The following OPLAH variants were observed in gnomAD, a reference collection of about 807,000 sequenced individuals.
OPLAH encodes the protein 5-oxoprolinase, ATP-hydrolysing.
In OPLAH, 103 loss-of-function variants were observed where a neutral mutation model predicts 122.8. The observed-to-expected ratio is 0.84, with a 90% CI of 0.71 to 0.99. The LOEUF is 0.99. Ranked by LOEUF, OPLAH falls within the 50% of genes least tolerant of loss-of-function variation. OPLAH has a pLI of 0.00. For synonymous variants in OPLAH, 875 were observed against 796.0 expected (o/e 1.10, Z -1.67); for missense variants, 1,902 against 1,836.5 (o/e 1.04, Z -0.65).
rs185320564 is a variant in OPLAH at position 144,055,406 on chromosome 8, C to A, written c.2249-217G>T. ...CCCCAGCCCTGCCTGGAGCCCCCAG[C>A]AAGAACCCAGTGCCACCCCTCGACC... On this transcript the variant is annotated intron_variant, in intron 16 of 26. Transcript: ENST00000618853. This position sits in a 1 kb window ranked among gnomAD's most constrained non-coding sequence, Gnocchi z 6.5. Among the ~76,000 whole-genome samples the A allele has an allele frequency of 4.9e-3, 748 of 152,100 alleles. 6 individuals are homozygous for A. Among genetic ancestry groups the A allele is most frequent in the South Asian group, 0.03 (145 of 4,816 alleles).
Position 144,051,437 on chromosome 8 carries a change from G to T in OPLAH, c.3756C>A (p.Gly1252=). 7.1e-7 allele frequency: 1 copy of T among 1,405,286 alleles called. No homozygotes were observed. Among genetic ancestry groups the T allele is most frequent in the Admixed American group, 2.3e-5 (1 of 43,242 alleles). The allele number at this position is 1,405,286 out of a possible 1,614,324, so 87.1% of individuals were successfully genotyped here. ...VFCLHTPGGG[G]YGDPEDPAPP... ...GGGCGGGGTCCTCCGGGTCCCCATA[G>T]CCACCGCCGCCGGGCGTGTGGAGAC... The change falls in exon 27 of 27, where the codon GGC becomes GGA. Residue 1252 remains glycine (G), a synonymous_variant. Transcript: ENST00000618853.
rs1166408462 is a variant in OPLAH, at chr8:144,052,475, C to T, written c.3277G>A (p.Ala1093Thr). Residue 1093 changes from alanine (A) to threonine (T), a missense_variant, in exon 23 of 27, where the codon GCC (alanine) becomes ACC (threonine). Transcript: ENST00000618853. ...TGGGAGGCGGCGCAGGCCCCAAAGG[C>T]CCCCAGGATGACATCCACCACGCGC... ...SQRVVDVILG[A>T]FGACAASQGC... 10 of 1,552,086 alleles carry T rather than the reference C, an allele frequency of 6.4e-6. No individual in the cohort carries two copies. Among genetic ancestry groups the T allele is most frequent in the Non-Finnish European group, 6.9e-6 (8 of 1,155,134 alleles).
At chr8:144,063,871 C>T (rs1010711427), upstream of OPLAH, 37 of 152,438 alleles carry the variant, frequency 2.4e-4, no homozygotes, top group African/African-American at 8.4e-4. This position sits in a 1 kb window ranked among gnomAD's most constrained non-coding sequence, Gnocchi z 4.2. Context: ...CGCAGCTCTT[C>T]GTTCTCCTGT....
chr8:144,054,649 G>A lies in OPLAH; in HGVS notation c.2598C>T (p.Ser866=), dbSNP rs782156510. The change falls in exon 19 of 27, where the codon TCC becomes TCT. Residue 866 remains serine (S), a synonymous_variant. Coordinates refer to ENST00000618853, the MANE Select transcript of OPLAH (RefSeq NM_017570.5). ...GCAGCATGGTGGAGTGGGGGGGCAT[G>A]GAGCCTGGTGTGATGCCCCCGATGT... ...HADIGGITPG[S]MPPHSTMLQQ... The A allele has an allele frequency of 6.2e-7, 1 of 1,611,980 alleles. No individual in the cohort carries two copies. Among genetic ancestry groups the A allele is most frequent in the East Asian group, 2.2e-5 (1 of 44,834 alleles).
chr8:144,055,935 TGGTGC>T lies in OPLAH; in HGVS notation c.2097-1_2100del. Reference sequence around the variant, plus strand: ...GCCTGGCAACCTGGCTCCACCAGGATGGTGCTGGGGAGCAGAGGGCACAGAGGGCT... The same window carrying T: ...GCCTGGCAACCTGGCTCCACCAGGATTGGGGAGCAGAGGGCACAGAGGGCT... On this transcript the variant is annotated splice_acceptor_variant and coding_sequence_variant, in exon 16 of 27. Transcript: ENST00000618853. LOFTEE classifies it high-confidence loss of function. This position sits in a 1 kb window ranked among gnomAD's most constrained non-coding sequence, Gnocchi z 6.5. 2.5e-6 allele frequency: 4 copies of T among 1,582,986 alleles called. No individual in the cohort carries two copies. The highest frequency in any genetic ancestry group is 3.4e-6 in the Non-Finnish European group (4 of 1,164,290).
At chr8:144,062,018 CAA>C (rs1360761983), upstream of OPLAH, among the ~76,000 whole-genome samples, 14 of 60,310 alleles carry the variant, frequency 2.3e-4, no homozygotes, top group African/African-American at 2.9e-4. Context: ...GACTCCGTCT[CAA>C]AAAAAAAAAA....
At position 144,052,076 on chromosome 8, in the gene OPLAH, C is replaced by T. The variant is rs1191124309; in HGVS notation, c.3462G>A (p.Arg1154=). 6.3e-7 allele frequency: 1 copy of T among 1,580,188 alleles called. No individual in the cohort carries two copies. Among genetic ancestry groups the T allele is most frequent in the South Asian group, 1.1e-5 (1 of 89,016 alleles). The part of the protein sequence containing the change: ...RITDPEILES[R]YPVILRRFEL... ...CGAAGCGGCGCAGGATGACCGGGTA[C>T]CTGCGAGGGCGAGGACGAGGGCAAA... The change falls in exon 25 of 27, where the codon CGG becomes CGA. Residue 1154 remains arginine, a splice_region_variant and synonymous_variant. Transcript: ENST00000618853.
chr8:144,050,445 T>G, downstream of OPLAH: 2 of 985,520 alleles, frequency 2.0e-6, no homozygotes, highest in African/African-American at 1.7e-5. Context: ...TAAACTTCGA[T>G]AACTGCTGGA....
chr8:144,051,979 G>A lies in OPLAH; in HGVS notation c.3559C>T (p.Arg1187Cys), dbSNP rs944369465. Residue 1187 changes from arginine (R) to cysteine (C), a missense_variant, in exon 25 of 27, where the codon CGT (arginine) becomes TGT (cysteine). Arg to Cys is a radical substitution (Grantham distance 180, BLOSUM62 -3). This residue lies in a region of OPLAH where 1,726 missense variants were observed against 1,642.1 expected (regional missense o/e 1.05). Coordinates refer to ENST00000618853, the MANE Select transcript of OPLAH (RefSeq NM_017570.5). The part of the protein sequence containing the change: ...GDGVTRELLF[R>C]EEALLSVLTE... ...AGCACTGACAGCAGCGCCTCCTCACGAAAGAGCAGCTCGCGGGTGACGCCG... is the reference window on the plus strand; with the variant it reads ...AGCACTGACAGCAGCGCCTCCTCACAAAAGAGCAGCTCGCGGGTGACGCCG... 2.5e-6 allele frequency: 4 copies of A among 1,580,462 alleles called. No homozygotes were observed. Among genetic ancestry groups the A allele is most frequent in the Non-Finnish European group, 2.6e-6 (3 of 1,171,764 alleles).
In OPLAH at chr8:144,058,577, CGT is replaced by C; in HGVS notation, c.700_701del (p.Thr234GlyfsTer80). On this transcript the variant is annotated frameshift_variant, in exon 6 of 27. Transcript: ENST00000618853. LOFTEE classifies it high-confidence loss of function. ...PMVRIVPRGHTACADAYLTPA... is the reference protein window; with the variant it reads ...PMVRIVPRGHXACADAYLTPA... Reference sequence around the variant, plus strand: ...GCGTGAGGTAGGCGTCGGCACAGGCCGTGTGCCCCCGAGGGACGATGCGCACC... The same window carrying C: ...GCGTGAGGTAGGCGTCGGCACAGGCCGTGCCCCCGAGGGACGATGCGCACC... The C allele has an allele frequency of 1.9e-6, 3 of 1,602,222 alleles. No individual in the cohort carries two copies. Among genetic ancestry groups the C allele is most frequent in the Non-Finnish European group, 2.5e-6 (3 of 1,179,268 alleles).
At position 144,058,424 on chromosome 8, in the gene OPLAH, G is replaced by A. The variant is rs533980978; in HGVS notation, c.784-20C>T. Reference sequence around the variant, plus strand: ...CACATCCTGCGAGCGGGCAGCAGGCGGGCCATGAGGGGCAGGCCAAGGCCC... The same window carrying A: ...CACATCCTGCGAGCGGGCAGCAGGCAGGCCATGAGGGGCAGGCCAAGGCCC... On this transcript the variant is annotated intron_variant, in intron 6 of 26. Coordinates refer to ENST00000618853, the MANE Select transcript of OPLAH (RefSeq NM_017570.5). 1.3e-5 allele frequency: 20 copies of A among 1,584,820 alleles called. No individual in the cohort carries two copies. The highest frequency in any genetic ancestry group is 2.2e-5 in the South Asian group (2 of 89,674).
In OPLAH at chr8:144,052,369, G is replaced by A. The variant is rs1554757892; in HGVS notation, c.3304-43C>T. Reference sequence around the variant, plus strand: ...TCGCTGCGCTGGGCTGGGGCAGGGCGTCCCCACCTCGCCCTCCCGCTCCTA... The same window carrying A: ...TCGCTGCGCTGGGCTGGGGCAGGGCATCCCCACCTCGCCCTCCCGCTCCTA... On this transcript the variant is annotated intron_variant, in intron 23 of 26. Coordinates refer to ENST00000618853, the MANE Select transcript of OPLAH (RefSeq NM_017570.5). 2.0e-6 allele frequency: 3 copies of A among 1,510,372 alleles called. No individual in the cohort carries two copies. In the Admixed American group the frequency reaches 6.1e-5, roughly 31 times the overall value. The allele number at this position is 1,510,372 out of a possible 1,614,324, so 93.6% of individuals were successfully genotyped here. A position where few individuals can be genotyped will look rare whatever the true frequency, so the allele number is the denominator to read the frequency against.
chr8:144,052,380 GC>G, intron 23 of OPLAH, 54 bp from the exon 24 acceptor site: 1 of 1,511,724 alleles, frequency 6.6e-7, no homozygotes, highest in African/African-American at 1.4e-5. Context: ...TCCCCACCTC[GC>G]CCTCCCGCTC....
chr8:144,054,974 G>T (rs1353706229), intron 17 of OPLAH, 55 bp downstream of exon 17: 5 of 1,081,788 alleles, frequency 4.6e-6, no homozygotes, highest in South Asian at 1.7e-5. Flanking sequence ...GCGGGGTGGG[G>T]GGGGGGTGGA....
At chr8:144,059,225 G>T in intron 3 of OPLAH, 146 bp from the exon 4 acceptor site, 2 of 706,270 alleles carry the variant, frequency 2.8e-6, no homozygotes, top group East Asian at 2.7e-5. Context: ...CCCCAGCAAG[G>T]CTCACCAAGG....
chr8:144,053,842 CT>C (rs1241031405), intron 19 of OPLAH, among the ~76,000 whole-genome samples: 2 of 148,914 alleles, frequency 1.3e-5, no homozygotes, highest in African/African-American at 5.0e-5. Flanking sequence ...ACAGGCACCC[CT>C]GCAGCCTCCA....
Position 144,054,812 on chromosome 8 carries a change from C to A in OPLAH, c.2511G>T (p.Pro837=). 6.2e-7 allele frequency: 1 copy of A among 1,612,176 alleles called. No homozygotes were observed. ...SHLPDLTVIT[P]VFWPGQTRPV... The stretch of plus-strand genomic sequence containing the variant: ...GAGGCAGGCGGGCAGCACCCCTCAC[C>A]GGTGTGATAACAGTCAGGTCTGGCA... The change falls in exon 18 of 27, where the codon CCG becomes CCT. Residue 837 remains proline (P), a splice_region_variant and synonymous_variant. Coordinates refer to ENST00000618853, the MANE Select transcript of OPLAH (RefSeq NM_017570.5).
chr8:144,059,094 A>G lies in OPLAH; in HGVS notation c.364-15T>C. 1 of 1,555,764 alleles carries G rather than the reference A, an allele frequency of 6.4e-7. No homozygotes were observed. Among genetic ancestry groups the G allele is most frequent in the Non-Finnish European group, 8.7e-7 (1 of 1,150,880 alleles). Reference sequence around the variant, plus strand: ...ATGGGCACGGCCTGGGGGCGGGCAGAGACTCAGAAGAGGCCCAGGCCTGAG... The same window carrying G: ...ATGGGCACGGCCTGGGGGCGGGCAGGGACTCAGAAGAGGCCCAGGCCTGAG... On this transcript the variant is annotated splice_polypyrimidine_tract_variant and intron_variant, in intron 3 of 26. Coordinates refer to ENST00000618853, the MANE Select transcript of OPLAH (RefSeq NM_017570.5).
At position 144,053,276 on chromosome 8, in the gene OPLAH, T is replaced by C. The variant is rs781900005; in HGVS notation, c.2804A>G (p.Gln935Arg). ...AQVAANQKGI[Q>R]LVGELIGQYG... is the part of the protein sequence containing the mutation. ...CTGCCCAATGAGCTCCCCCACCAGC[T>C]GGATGCCCTTCTGGTTGGCTGCCAC... Residue 935 changes from glutamine (Q) to arginine (R), a missense_variant, in exon 20 of 27, where the codon CAG becomes CGG. Gln to Arg is a conservative substitution (Grantham distance 43, BLOSUM62 1). Transcript: ENST00000618853. The C allele has an allele frequency of 1.9e-6, 3 of 1,612,904 alleles. No homozygotes were observed. Among genetic ancestry groups the C allele is most frequent in the Admixed American group, 1.7e-5 (1 of 59,978 alleles).
Sources: allele counts gnomAD v4.1 joint callset (sites outside exome capture counted in the v4.1 genomes callset), GRCh38; gene constraint gnomAD v4.1.1; regional missense constraint gnomAD v4.1.1; non-coding constraint Gnocchi (gnomAD v3.1); transcripts MANE v1.5; gene names NCBI Gene and HGNC (gene_info 2026-07-23, HGNC 2026-07-21).